Variants in MAST4 observed in about 807,000 individuals in gnomAD.
MAST4 encodes microtubule associated serine/threonine kinase family member 4.
A neutral mutation model predicts 162.7 loss-of-function variants in MAST4; 89 were observed. The ratio of observed to expected loss-of-function variants is 0.55; its 90% CI spans 0.46 to 0.65. The LOEUF (loss-of-function observed/expected upper bound fraction) is 0.65, where lower values mean the gene tolerates loss of function less well. MAST4 is among the 30% of genes least tolerant of loss of function. MAST4 has a pLI of 0.00. For synonymous variants in MAST4, 1,479 were observed against 1,361.1 expected (o/e 1.09, Z -1.91); for missense variants, 3,153 against 3,374.0 (o/e 0.93, Z 1.62).
intron 4 of MAST4, among the ~76,000 whole-genome samples, chr5:66,926,566 C>CTATATA (rs200290492): frequency 1.3e-5 from 2 of 150,708 alleles, no homozygotes; most frequent in Non-Finnish European, 3.0e-5. Context: ...CTTTCTCTCT[C>CTATATA]TATATATATA....
At chr5:66,718,319 A>G (rs1750982122) in intron 1 of MAST4, among the ~76,000 whole-genome samples, 1 of 151,566 alleles carries the variant, frequency 6.6e-6, no homozygotes, top group Non-Finnish European at 1.5e-5. Context: ...TAAATGATTA[A>G]GTTATGATGT....
chr5:66,842,472 G>T (rs548214391), intron 3 of MAST4, among the ~76,000 whole-genome samples: 51 of 149,588 alleles, frequency 3.4e-4, no homozygotes, highest in African/African-American at 1.2e-3. Flanking sequence ...GCCAAATGTT[G>T]TTGTACACTG....
At chr5:66,877,309 C>A (rs1214612010) in intron 3 of MAST4, among the ~76,000 whole-genome samples, 2 of 152,184 alleles carry the variant, frequency 1.3e-5, no homozygotes, top group African/African-American at 4.8e-5. Context: ...ACACAGTATT[C>A]CCATGGGTCC....
intron 1 of MAST4, among the ~76,000 whole-genome samples, chr5:66,745,847 C>T (rs952210363): frequency 6.6e-6 from 1 of 152,142 alleles, no homozygotes; most frequent in Non-Finnish European, 1.5e-5. Flanking sequence ...CCATAGTAGA[C>T]ATTTGGGTAA....
chr5:66,884,558 C>G (rs983945866), intron 3 of MAST4, among the ~76,000 whole-genome samples: 1 of 152,166 alleles, frequency 6.6e-6, no homozygotes, highest in African/African-American at 2.4e-5. Context: ...AAAGCTCTAA[C>G]CCAGAAGCCT....
rs540838041 is a variant in MAST4, at chr5:66,620,728, A to G, written c.363+23710A>G. On this transcript the variant is annotated intron_variant, in intron 1 of 28. Transcript: ENST00000403625. ...TTTTTTTCGTCCTGCCTCTGTGTCTATCTCTCTTTTCTCCACCTCATATGG... is the reference window on the plus strand; with the variant it reads ...TTTTTTTCGTCCTGCCTCTGTGTCTGTCTCTCTTTTCTCCACCTCATATGG... Among the ~76,000 whole-genome samples, 35 of 150,716 alleles carry G rather than the reference A, an allele frequency of 2.3e-4. 1 individual carries two copies. The highest frequency in any genetic ancestry group is 8.6e-4 in the Admixed American group (13 of 15,156).
At chr5:66,645,967 C>T (rs533434895) in intron 1 of MAST4, among the ~76,000 whole-genome samples, 3 of 152,038 alleles carry the variant, frequency 2.0e-5, no homozygotes, top group Non-Finnish European at 4.4e-5. Context: ...TCACATAAGA[C>T]TTAAAATAGT....
At chr5:66,737,509 A>G (rs1209593440) in intron 1 of MAST4, among the ~76,000 whole-genome samples, 1 of 152,144 alleles carries the variant, frequency 6.6e-6, no homozygotes, top group African/African-American at 2.4e-5. Context: ...GTACCAAGGA[A>G]TTTGTCTGCC....
intron 1 of MAST4, among the ~76,000 whole-genome samples, chr5:66,731,952 G>C (rs1295765627): frequency 1.3e-5 from 2 of 151,924 alleles, no homozygotes; most frequent in Admixed American, 1.3e-4. Flanking sequence ...CTTCCCTTCA[G>C]GTAGGCAGGA....
chr5:66,745,527 C>T (rs1405567976), intron 1 of MAST4, among the ~76,000 whole-genome samples: 3 of 152,226 alleles, frequency 2.0e-5, no homozygotes, highest in African/African-American at 7.2e-5. Context: ...CTCCGTACTG[C>T]TCTGTGCTCC....
At chr5:66,761,858 G>T (rs1753867043) in intron 2 of MAST4, among the ~76,000 whole-genome samples, 1 of 152,132 alleles carries the variant, frequency 6.6e-6, no homozygotes, top group African/African-American at 2.4e-5. Flanking sequence ...TAAAGTAGGA[G>T]ATCCCAAAGA....
intron 3 of MAST4, among the ~76,000 whole-genome samples, chr5:66,833,549 C>A (rs1757757717): frequency 6.6e-6 from 1 of 152,190 alleles, no homozygotes; most frequent in Non-Finnish European, 1.5e-5. Flanking sequence ...ATCTCTAAAT[C>A]TTTGCCTTCC....
intron 4 of MAST4, among the ~76,000 whole-genome samples, chr5:66,980,781 C>A (rs185021348): frequency 6.6e-6 from 1 of 152,260 alleles, no homozygotes; most frequent in Admixed American, 6.5e-5. Flanking sequence ...TCTTCTCCAC[C>A]TAATTTCGAT....
chr5:66,703,519 C>T (rs1749917196), intron 1 of MAST4, among the ~76,000 whole-genome samples: 1 of 152,180 alleles, frequency 6.6e-6, no homozygotes, highest in South Asian at 2.1e-4. Flanking sequence ...AGTGACCCAA[C>T]TTCTGCAGGG....
intron 1 of MAST4, among the ~76,000 whole-genome samples, chr5:66,738,770 C>G (rs1200705733): frequency 6.6e-6 from 1 of 152,204 alleles, no homozygotes; most frequent in Non-Finnish European, 1.5e-5. Context: ...CAGCTGCTGT[C>G]AGGCCTTTTG....
intron 3 of MAST4, among the ~76,000 whole-genome samples, chr5:66,866,906 C>G (rs555566586): frequency 7.1e-6 from 1 of 141,672 alleles, no homozygotes; most frequent in Non-Finnish European, 1.6e-5. Flanking sequence ...TGGGCTACCA[C>G]GGCAGGCTTT....
chr5:66,989,452 G>A (rs900644235), intron 4 of MAST4, among the ~76,000 whole-genome samples: 1 of 152,146 alleles, frequency 6.6e-6, no homozygotes, highest in Non-Finnish European at 1.5e-5. Flanking sequence ...GAGGCATGTG[G>A]CAGCTCAGAA....
At chr5:66,980,191 A>G (rs1022314485) in intron 4 of MAST4, among the ~76,000 whole-genome samples, 2 of 152,218 alleles carry the variant, frequency 1.3e-5, no homozygotes, top group Non-Finnish European at 2.9e-5. Context: ...CTGGCCAGAG[A>G]TAAGTCCCCC....
rs555479237 is a variant in MAST4, at chr5:67,161,011, C to T, written c.3785+419C>T. Among the ~76,000 whole-genome samples the T allele has an allele frequency of 1.4e-3, 211 of 152,298 alleles. 1 individual carries two copies. Among genetic ancestry groups the T allele is most frequent in the African/African-American group, 4.8e-3 (199 of 41,558 alleles). On this transcript the variant is annotated intron_variant, in intron 27 of 28. Coordinates refer to ENST00000403625, the MANE Select transcript of MAST4 (RefSeq NM_001164664.2). ...GCCAGATATTCTAAAATTACTGTTA[C>T]CTTTAAAGGTTCCGAATAAGCCTAG...
Sources: allele counts gnomAD v4.1 joint callset (sites outside exome capture counted in the v4.1 genomes callset), GRCh38; gene constraint gnomAD v4.1.1; transcripts MANE v1.5; gene names NCBI Gene and HGNC (gene_info 2026-07-23, HGNC 2026-07-21).